DCC: variants seen among roughly 807,000 people sequenced by gnomAD.
DCC encodes DCC netrin 1 receptor.
Under a neutral mutation model 172.5 loss-of-function variants are expected in DCC, and 58 were observed. That is an observed-to-expected ratio of 0.34 (90% CI 0.27 to 0.42). The LOEUF (loss-of-function observed/expected upper bound fraction) is 0.42. Ranked by LOEUF, DCC falls within the 10% of genes least tolerant of loss-of-function variation. The pLI is 1.00. For synonymous variants in DCC, 709 were observed against 644.5 expected (o/e 1.10, Z -1.52); for missense variants, 1,740 against 1,791.0 (o/e 0.97, Z 0.51).
At chr18:52,537,610 C>A (rs907557517) in intron 1 of DCC, among the ~76,000 whole-genome samples, 5 of 151,886 alleles carry the variant, frequency 3.3e-5, no homozygotes, top group African/African-American at 9.7e-5. Context: ...TTTGGACCTC[C>A]TATAGCCAGC....
chr18:52,925,525 T>C (rs1303560684), intron 5 of DCC, among the ~76,000 whole-genome samples, 155 bp downstream of exon 5: 1 of 152,012 alleles, frequency 6.6e-6, no homozygotes, highest in African/African-American at 2.4e-5. Flanking sequence ...CTCTGATTAA[T>C]TGCATAGGGG....
chr18:52,836,937 A>G (rs755411002), intron 2 of DCC, among the ~76,000 whole-genome samples: 1 of 152,156 alleles, frequency 6.6e-6, no homozygotes, highest in African/African-American at 2.4e-5. Flanking sequence ...GTGTCTCCAT[A>G]TATCTTCTGA....
At chr18:52,621,056 C>T (rs867414336) in intron 1 of DCC, among the ~76,000 whole-genome samples, 4 of 152,328 alleles carry the variant, frequency 2.6e-5, no homozygotes, top group Middle Eastern at 6.8e-3. Context: ...GCTGCAGAGC[C>T]AACCTTCAGG....
chr18:52,778,986 G>A (rs573683478), intron 2 of DCC, among the ~76,000 whole-genome samples: 1 of 152,160 alleles, frequency 6.6e-6, no homozygotes. Flanking sequence ...GTCCATTAAT[G>A]TATGATGTGT....
chr18:53,418,326 T>G (rs1445095348), intron 21 of DCC, among the ~76,000 whole-genome samples: 1 of 152,158 alleles, frequency 6.6e-6, no homozygotes, highest in Admixed American at 6.6e-5. Context: ...AAAATCAGTC[T>G]TCTGAGTTGA....
intron 1 of DCC, among the ~76,000 whole-genome samples, chr18:52,645,004 G>A (rs756038684): frequency 1.3e-5 from 2 of 152,090 alleles, no homozygotes; most frequent in African/African-American, 4.8e-5. Context: ...TCTATTTAGG[G>A]AAGAAAAGGG....
At chr18:53,134,326 C>A (rs1343879192) in intron 7 of DCC, among the ~76,000 whole-genome samples, 1 of 152,104 alleles carries the variant, frequency 6.6e-6, no homozygotes, top group Non-Finnish European at 1.5e-5. Flanking sequence ...ATAATCTATG[C>A]ATGACAAGTC....
chr18:52,736,691 A>T (rs1431782521), intron 1 of DCC, among the ~76,000 whole-genome samples: 1 of 152,188 alleles, frequency 6.6e-6, no homozygotes, highest in Non-Finnish European at 1.5e-5. Context: ...ACAAATAAAA[A>T]TGTTATATAG....
chr18:53,114,426 TA>T (rs562899175), intron 7 of DCC, among the ~76,000 whole-genome samples: 2 of 151,710 alleles, frequency 1.3e-5, no homozygotes, highest in Non-Finnish European at 3.0e-5. Context: ...AGAAATCACA[TA>T]AAAAAGTAAT....
In DCC at chr18:53,448,449, G is replaced by A. The variant is rs573638038; in HGVS notation, c.3230-2051G>A. 6.6e-5 allele frequency among the ~76,000 whole-genome samples: 10 copies of A among 152,290 alleles called. No homozygotes were observed. In the East Asian group the frequency reaches 1.5e-3, roughly 24 times the overall value. ...GAATTCACTATCACAAGACCAGCAT[G>A]CGGGTAAACACCCCCATGATTAAAT... On this transcript the variant is annotated intron_variant, in intron 22 of 28. Transcript: ENST00000442544.
chr18:52,592,316 G>A (rs1412138852), intron 1 of DCC, among the ~76,000 whole-genome samples: 1 of 152,146 alleles, frequency 6.6e-6, no homozygotes, highest in Non-Finnish European at 1.5e-5. Context: ...AGAAGTCTCA[G>A]AATTTGATTA....
At chr18:52,600,805 T>C (rs568715455) in intron 1 of DCC, among the ~76,000 whole-genome samples, 2 of 152,284 alleles carry the variant, frequency 1.3e-5, no homozygotes, top group South Asian at 2.1e-4. Flanking sequence ...AATATAACTG[T>C]GTTCATGTTA....
intron 7 of DCC, among the ~76,000 whole-genome samples, chr18:53,079,653 A>G (rs917858735): frequency 1.3e-5 from 2 of 152,172 alleles, no homozygotes; most frequent in Non-Finnish European, 2.9e-5. Flanking sequence ...TAGGGGTAAG[A>G]AAAAGGAGAT....
intron 5 of DCC, among the ~76,000 whole-genome samples, chr18:53,010,316 C>T (rs2041709100): frequency 6.6e-6 from 1 of 151,750 alleles, no homozygotes; most frequent in African/African-American, 2.4e-5. Context: ...TATTAGATAT[C>T]CTAATAGAAT....
chr18:52,788,546 T>G (rs1457467495), intron 2 of DCC, among the ~76,000 whole-genome samples: 2 of 152,236 alleles, frequency 1.3e-5, no homozygotes, highest in African/African-American at 2.4e-5. Flanking sequence ...AGGCTATTTT[T>G]ATTTCTTAAA....
intron 1 of DCC, among the ~76,000 whole-genome samples, chr18:52,424,589 T>A (rs1404287200): frequency 6.6e-6 from 1 of 152,148 alleles, no homozygotes; most frequent in Non-Finnish European, 1.5e-5. Flanking sequence ...GCGATGTTAG[T>A]GGTAGAGCTA....
chr18:53,092,547 T>C lies in DCC; in HGVS notation c.1261+26381T>C, dbSNP rs564033429. On this transcript the variant is annotated intron_variant, in intron 7 of 28. Coordinates refer to ENST00000442544, the MANE Select transcript of DCC (RefSeq NM_005215.4). ...CAACAATCCATTTTATGAATAAAAA[T>C]CTCCTAGGTAGATATTTTGACACAG... 3.9e-5 allele frequency among the ~76,000 whole-genome samples: 6 copies of C among 152,266 alleles called. No individual in the cohort carries two copies. In the South Asian group the frequency reaches 1.2e-3, roughly 32 times the overall value.
intron 2 of DCC, among the ~76,000 whole-genome samples, chr18:52,799,453 G>T (rs373915245): frequency 1.0e-3 from 153 of 152,190 alleles, no homozygotes; most frequent in African/African-American, 3.7e-3. Context: ...GAAAAAAAGG[G>T]AAGATCTGTG....
At chr18:53,511,689 A>G (rs1287536256) in intron 27 of DCC, among the ~76,000 whole-genome samples, 3 of 152,156 alleles carry the variant, frequency 2.0e-5, no homozygotes. Flanking sequence ...GAGTCAAAGA[A>G]AGGGGTGACG....
Sources: gnomAD v4.1 joint callset for allele counts (sites outside exome capture counted in the v4.1 genomes callset) on GRCh38, gnomAD v4.1.1 for gene constraint, MANE v1.5 for transcripts, NCBI Gene and HGNC (gene_info 2026-07-23, HGNC 2026-07-21) for gene names.